RAD52: variants seen among roughly 807,000 people sequenced by gnomAD.
RAD52 encodes the protein DNA repair protein RAD52 homolog.
A neutral mutation model predicts 55.5 loss-of-function variants in RAD52; 47 were observed. The ratio of observed to expected loss-of-function variants is 0.85; its 90% CI spans 0.67 to 1.08. RAD52 has a LOEUF of 1.08. RAD52 is among the 50% of genes least tolerant of loss of function. The pLI, the probability that RAD52 is intolerant of heterozygous loss-of-function variation, is 0.00. For missense variants in RAD52, 468 were observed against 522.8 expected (o/e 0.90, Z 1.02); for synonymous variants, 184 against 198.9 (o/e 0.92, Z 0.63).
In RAD52 at chr12:985,517, A is replaced by T. The variant is rs1316544546; in HGVS notation, c.-19+4292T>A. 1.3e-5 allele frequency among the ~76,000 whole-genome samples: 2 copies of T among 152,170 alleles called. 1 individual carries two copies. The highest frequency in any genetic ancestry group is 1.3e-4 in the Admixed American group (2 of 15,274). On this transcript the variant is annotated intron_variant, in intron 1 of 11. Transcript: ENST00000430095. ...ACTATTGCCTAATCCAAAGCCATGA[A>T]GATTTATACCTATATTTTCTTCTAT...
Position 917,265 on chromosome 12 carries a change from A to C in RAD52, c.544-445T>G, listed in dbSNP as rs556801663. On this transcript the variant is annotated intron_variant, in intron 7 of 11. Coordinates refer to ENST00000358495, the MANE Select transcript of RAD52 (RefSeq NM_134424.4). ...GAAGAACCCTTCAAACGACAGAGGG[A>C]AGAACCCTTGGGAGGCACGGACGCC... 1.1e-4 allele frequency among the ~76,000 whole-genome samples: 16 copies of C among 152,294 alleles called. No individual in the cohort carries two copies. The East Asian group carries it at 3.1e-3, about 29-fold the overall frequency.
intron 1 of RAD52, among the ~76,000 whole-genome samples, chr12:973,319 T>C (rs558151076): frequency 2.0e-5 from 3 of 152,226 alleles, no homozygotes; most frequent in Non-Finnish European, 2.9e-5. Context: ...TCCACCCTCC[T>C]GGGCCTCCCA....
intron 1 of RAD52, among the ~76,000 whole-genome samples, chr12:981,075 A>G (rs1959008246): frequency 6.6e-6 from 1 of 151,984 alleles, no homozygotes; most frequent in African/African-American, 2.4e-5. Flanking sequence ...CACACCTGTA[A>G]TCTCAGCATT....
chr12:939,087 G>GTGTGTGTGTGTGTGTGT (rs751632769), intron 1 of RAD52, among the ~76,000 whole-genome samples: 19 of 61,844 alleles, frequency 3.1e-4, no homozygotes, highest in African/African-American at 6.8e-4. Flanking sequence ...TGTGTGTGTA[G>GTGTGTGTGTGTGTGTGT]AGAGAGAGAA....
chr12:974,211 G>T (rs1266985891), intron 1 of RAD52: 1 of 152,136 alleles, frequency 6.6e-6, no homozygotes, highest in Non-Finnish European at 1.5e-5. Context: ...GCAGCAAATT[G>T]GTGCCTCAGC....
chr12:947,673 G>A (rs1186000127), intron 1 of RAD52, among the ~76,000 whole-genome samples: 2 of 150,464 alleles, frequency 1.3e-5, no homozygotes, highest in African/African-American at 4.9e-5. Flanking sequence ...GATCACCTGA[G>A]GTCAGGAGTT....
upstream of RAD52, among the ~76,000 whole-genome samples, chr12:950,610 G>A (rs565942966): frequency 6.7e-6 from 1 of 150,124 alleles, no homozygotes; most frequent in African/African-American, 2.4e-5. Flanking sequence ...ACAGGGTCTT[G>A]CTATGTTGCC....
chr12:941,746 C>T (rs1431705149), intron 1 of RAD52, among the ~76,000 whole-genome samples: 2 of 152,170 alleles, frequency 1.3e-5, no homozygotes, highest in East Asian at 1.9e-4. Flanking sequence ...AAGCAGTTCT[C>T]CTGCCTCAGC....
chr12:971,094 T>C lies in RAD52; in HGVS notation c.-19+18715A>G, dbSNP rs188940321. 2.7e-3 allele frequency among the ~76,000 whole-genome samples: 407 copies of C among 152,326 alleles called. 3 individuals carry two copies. The highest frequency in any genetic ancestry group is 3.7e-3 in the Non-Finnish European group (251 of 68,030). ...ATATAGATAATCTATATGCAAAATA[T>C]AGATTTTGAACTCTGAGCAGCAAGC... is the stretch of plus-strand genomic sequence containing the variant. On this transcript the variant is annotated intron_variant, in intron 1 of 11. Transcript: ENST00000430095.
intron 7 of RAD52, among the ~76,000 whole-genome samples, chr12:921,182 A>C (rs532579194): frequency 5.9e-5 from 9 of 152,156 alleles, no homozygotes; most frequent in Non-Finnish European, 1.0e-4. Flanking sequence ...AAAGATCTCA[A>C]ATCTACGCTA....
chr12:960,091 G>A (rs925859852), intron 1 of RAD52, among the ~76,000 whole-genome samples: 1 of 152,164 alleles, frequency 6.6e-6, no homozygotes, highest in Non-Finnish European at 1.5e-5. Flanking sequence ...CCCCTATAAG[G>A]TGGACCATCC....
chr12:984,644 T>C (rs1284580478), intron 1 of RAD52, among the ~76,000 whole-genome samples: 2 of 152,160 alleles, frequency 1.3e-5, no homozygotes, highest in African/African-American at 2.4e-5. Flanking sequence ...TTCCTTCCTT[T>C]TTAAGGCTGA....
At position 914,109 on chromosome 12, in the gene RAD52, T is replaced by C. The variant is rs201169293; in HGVS notation, c.980A>G (p.Asp327Gly). ...AGTCACAGCCCACTTTTCAGAGTTGTCTTCAAGAGTCTCTACAGAGGTCAA... is the reference window on the plus strand; with the variant it reads ...AGTCACAGCCCACTTTTCAGAGTTGCCTTCAAGAGTCTCTACAGAGGTCAA... Reference protein sequence around the residue: ...VTQELIKTLEDNSEKWAVTPD... With the variant: ...VTQELIKTLEGNSEKWAVTPD... The change falls in exon 11 of 12, where the codon GAC (aspartate) becomes GGC (glycine). Residue 327 changes from aspartate to glycine, a missense_variant. Transcript: ENST00000358495. The C allele has an allele frequency of 6.2e-7, 1 of 1,613,938 alleles. No individual in the cohort carries two copies.
At chr12:970,817 A>G (rs1299709472) in intron 1 of RAD52, among the ~76,000 whole-genome samples, 2 of 152,104 alleles carry the variant, frequency 1.3e-5, no homozygotes, top group African/African-American at 2.4e-5. Context: ...AGCAAAGGGA[A>G]TGTTCTATTA....
chr12:933,785 A>C (rs563505248), intron 1 of RAD52, among the ~76,000 whole-genome samples: 1 of 152,260 alleles, frequency 6.6e-6, no homozygotes, highest in Admixed American at 6.5e-5. Flanking sequence ...AATGCTCCAA[A>C]ATCCAAAACG....
At chr12:971,965 G>A (rs1470736248) in intron 1 of RAD52, among the ~76,000 whole-genome samples, 2 of 152,166 alleles carry the variant, frequency 1.3e-5, no homozygotes, top group East Asian at 1.9e-4. Context: ...AGCCAGGATG[G>A]TCTCGATCTC....
intron 1 of RAD52, among the ~76,000 whole-genome samples, chr12:978,075 C>A (rs943617679): frequency 2.0e-5 from 3 of 152,150 alleles, no homozygotes; most frequent in Non-Finnish European, 4.4e-5. Context: ...ATAGAATGTC[C>A]CACAGACTGG....
At chr12:984,622 A>G (rs1046629433) in intron 1 of RAD52, among the ~76,000 whole-genome samples, 4 of 151,970 alleles carry the variant, frequency 2.6e-5, no homozygotes, top group African/African-American at 7.3e-5. Flanking sequence ...ACAGTGTAGC[A>G]TATGTCAGAA....
chr12:933,118 A>T, intron 1 of RAD52, 42 bp from the exon 2 acceptor site: 1 of 1,421,010 alleles, frequency 7.0e-7, no homozygotes. Context: ...ACCCTCAAAG[A>T]ATGTTTAAAG....
Sources: allele counts gnomAD v4.1 joint callset (sites outside exome capture counted in the v4.1 genomes callset), GRCh38; gene constraint gnomAD v4.1.1; transcripts MANE v1.5; gene names NCBI Gene and HGNC (gene_info 2026-07-23, HGNC 2026-07-21).